The following NRF1 variants were observed in gnomAD, a reference collection of about 807,000 sequenced individuals.
NRF1 encodes the protein alpha palindromic-binding protein.
In NRF1, 5 loss-of-function variants were observed where a neutral mutation model predicts 58.5. That is an observed-to-expected ratio of 0.09 (90% confidence interval 0.04 to 0.18). NRF1 has a LOEUF of 0.18. NRF1 is among the 10% of genes least tolerant of loss of function. NRF1 has a pLI of 1.00. For synonymous variants in NRF1, 224 were observed against 246.7 expected (o/e 0.91, Z 0.86); for missense variants, 288 against 657.7 (o/e 0.44, Z 6.15).
chr7:129,675,841 A>G (rs900226622), intron 3 of NRF1, among the ~76,000 whole-genome samples: 2 of 152,208 alleles, frequency 1.3e-5, no homozygotes, highest in Non-Finnish European at 2.9e-5. Flanking sequence ...AGCCCCTAAC[A>G]AGAGAGTCAA....
intron 8 of NRF1, among the ~76,000 whole-genome samples, chr7:129,713,198 G>A (rs1364621219): frequency 1.3e-5 from 2 of 149,700 alleles, no homozygotes; most frequent in African/African-American, 2.5e-5. Flanking sequence ...CCAGGTTCAA[G>A]CGATTCTTCT....
intron 4 of NRF1, among the ~76,000 whole-genome samples, chr7:129,690,107 A>C (rs1802530053): frequency 6.6e-6 from 1 of 152,244 alleles, no homozygotes. Context: ...GACCTGGAAC[A>C]GGCAATGGCA....
At chr7:129,739,365 C>T (rs1027663450) in intron 10 of NRF1, among the ~76,000 whole-genome samples, 2 of 151,658 alleles carry the variant, frequency 1.3e-5, no homozygotes, top group African/African-American at 4.9e-5. Flanking sequence ...AGATACAGAA[C>T]ATGTCTATCA....
chr7:129,755,129 G>C lies in NRF1; in HGVS notation c.1460G>C (p.Ser487Thr). ...MAPVTTRISD[S>T]AVTMDGQAVE... ...CCTGTGACCACCAGGATATCAGACA[G>C]CGCAGTCACCATGGACGGCCAAGCT... The change falls in exon 11 of 11, where the codon AGC (serine) becomes ACC (threonine). Residue 487 changes from serine (S) to threonine (T), a missense_variant. By Grantham distance (58) the Ser-to-Thr change is moderately conservative. This residue lies in a region of NRF1 where 28 missense variants were observed against 32.6 expected (regional missense o/e 0.86). Transcript: ENST00000393232. This position sits in a 1 kb window ranked among gnomAD's most constrained non-coding sequence, Gnocchi z 5.8. 1 of 1,613,894 alleles carries C rather than the reference G, an allele frequency of 6.2e-7. No individual in the cohort carries two copies. Among genetic ancestry groups the C allele is most frequent in the South Asian group, 1.1e-5 (1 of 91,014 alleles).
intron 1 of NRF1, among the ~76,000 whole-genome samples, chr7:129,619,447 C>CACACACACACAT (rs1554401493): frequency 1.2e-5 from 1 of 80,420 alleles, no homozygotes; most frequent in African/African-American, 6.2e-5. Flanking sequence ...CACACACACA[C>CACACACACACAT]ATATATATAC....
At position 129,651,558 on chromosome 7, in the gene NRF1, G is replaced by A. The variant is rs1054636295; in HGVS notation, c.-6-5788G>A. On this transcript the variant is annotated intron_variant, in intron 1 of 10. Transcript: ENST00000393232. ...TTCATGCTGTGAACTGCATTCTGGA[G>A]CAAAGAATTGAAATCCATTATGCCA... Among the ~76,000 whole-genome samples, 8 of 152,278 alleles carry A rather than the reference G, an allele frequency of 5.3e-5. No homozygotes were observed. In the East Asian group the frequency reaches 7.7e-4, roughly 15 times the overall value.
intron 10 of NRF1, among the ~76,000 whole-genome samples, chr7:129,748,274 CAAAAAAA>C (rs10655886): frequency 3.8e-5 from 3 of 78,080 alleles, no homozygotes; most frequent in South Asian, 6.1e-4. Context: ...GACTCCGTCT[CAAAAAAA>C]AAAAAAAAAA....
At chr7:129,647,715 A>G (rs966429684) in intron 1 of NRF1, among the ~76,000 whole-genome samples, 7 of 152,244 alleles carry the variant, frequency 4.6e-5, no homozygotes, top group Admixed American at 6.5e-5. Context: ...TTTCTTAAGC[A>G]TTATATAAAA....
intron 10 of NRF1, among the ~76,000 whole-genome samples, chr7:129,740,837 TCTG>T (rs996570344): frequency 6.6e-6 from 1 of 152,146 alleles, no homozygotes; most frequent in African/African-American, 2.4e-5. Flanking sequence ...TAACCTAAGC[TCTG>T]CTATTTGAAG....
intron 1 of NRF1, among the ~76,000 whole-genome samples, chr7:129,618,292 A>T (rs180681660): frequency 2.2e-4 from 33 of 152,288 alleles, no homozygotes; most frequent in Non-Finnish European, 3.5e-4. Context: ...ATGTGTTAAG[A>T]TATCTGGGAA....
chr7:129,654,429 C>T (rs1401577686), intron 1 of NRF1, among the ~76,000 whole-genome samples: 1 of 152,108 alleles, frequency 6.6e-6, no homozygotes, highest in Non-Finnish European at 1.5e-5. Flanking sequence ...ATTCTTTTGG[C>T]AGTGTCTTTC....
chr7:129,747,055 C>T (rs1426647957), intron 10 of NRF1, among the ~76,000 whole-genome samples: 1 of 152,170 alleles, frequency 6.6e-6, no homozygotes, highest in African/African-American at 2.4e-5. Flanking sequence ...GGAGGAGGGC[C>T]AGCTATGGTG....
At chr7:129,639,840 G>A (rs971837453) in intron 1 of NRF1, among the ~76,000 whole-genome samples, 4 of 152,264 alleles carry the variant, frequency 2.6e-5, no homozygotes, top group Admixed American at 6.5e-5. Flanking sequence ...GAGCCACTGC[G>A]CTCTTCCGCC....
chr7:129,717,118 T>C, intron 8 of NRF1, 101 bp from the exon 9 acceptor site: 1 of 1,113,006 alleles, frequency 9.0e-7, no homozygotes, highest in Non-Finnish European at 1.3e-6. Flanking sequence ...TTTTAAAGAG[T>C]ATGTGTATTT....
intron 10 of NRF1, chr7:129,744,147 T>C: frequency 6.6e-7 from 1 of 1,507,352 alleles, no homozygotes; most frequent in Non-Finnish European, 8.8e-7. Flanking sequence ...TTTTTTTTTT[T>C]TTTAACAGTT....
At chr7:129,655,734 C>G (rs907530466) in intron 1 of NRF1, among the ~76,000 whole-genome samples, 3 of 152,112 alleles carry the variant, frequency 2.0e-5, no homozygotes, top group African/African-American at 7.2e-5. Flanking sequence ...GTTGGCCAGG[C>G]TGGTCCCGAA....
chr7:129,683,010 A>C (rs1802355554), intron 4 of NRF1, among the ~76,000 whole-genome samples: 1 of 152,044 alleles, frequency 6.6e-6, no homozygotes, highest in Non-Finnish European at 1.5e-5. Flanking sequence ...AGCTCACTGC[A>C]ACCTCTGCCT....
At chr7:129,705,938 A>AGT (rs1802940056) in intron 5 of NRF1, among the ~76,000 whole-genome samples, 1 of 146,910 alleles carries the variant, frequency 6.8e-6, no homozygotes, top group South Asian at 2.2e-4. Flanking sequence ...AAGATCCGAG[A>AGT]GTGAGAGAGA....
At chr7:129,744,179 T>A in intron 10 of NRF1, 2 of 1,547,634 alleles carry the variant, frequency 1.3e-6, no homozygotes, top group Non-Finnish European at 1.7e-6. Context: ...TCAGGCCTCT[T>A]TATGGCAGAT....
Sources: allele counts gnomAD v4.1 joint callset (sites outside exome capture counted in the v4.1 genomes callset), GRCh38; gene constraint gnomAD v4.1.1; regional missense constraint gnomAD v4.1.1; non-coding constraint Gnocchi (gnomAD v3.1); transcripts MANE v1.5; gene names NCBI Gene and HGNC (gene_info 2026-07-23, HGNC 2026-07-21).